CHRM3: variants seen among roughly 807,000 people sequenced by gnomAD.
CHRM3 encodes cholinergic receptor muscarinic 3, also known as muscarinic acetylcholine receptor M3.
A neutral mutation model predicts 41.8 loss-of-function variants in CHRM3; 11 were observed. The ratio of observed to expected loss-of-function variants is 0.26; its 90% CI spans 0.17 to 0.44. The LOEUF (loss-of-function observed/expected upper bound fraction) is 0.44. CHRM3 is among the 20% of genes least tolerant of loss of function. The pLI is 1.00. For missense variants in CHRM3, 571 were observed against 745.4 expected (o/e 0.77, Z 2.72); for synonymous variants, 297 against 301.4 (o/e 0.99, Z 0.15).
At chr1:239,706,942 G>C (rs562306146) in intron 5 of CHRM3, 1 of 152,152 alleles carries the variant, frequency 6.6e-6, no homozygotes, top group Non-Finnish European at 1.5e-5. Flanking sequence ...AATAGTTTTC[G>C]GAAAAGTAGG....
At chr1:239,858,279 T>C (rs1391252121) in intron 6 of CHRM3, among the ~76,000 whole-genome samples, 1 of 152,196 alleles carries the variant, frequency 6.6e-6, no homozygotes, top group East Asian at 1.9e-4. Context: ...TCTAAGTATA[T>C]GTTGAGTCAT....
At chr1:239,412,215 C>T (rs551344505) in intron 1 of CHRM3, among the ~76,000 whole-genome samples, 1 of 140,918 alleles carries the variant, frequency 7.1e-6, no homozygotes, top group East Asian at 2.1e-4. Flanking sequence ...CCCTCCTTCC[C>T]ACTCTTTTTC....
At chr1:239,488,089 T>A (rs918210023) in intron 1 of CHRM3, among the ~76,000 whole-genome samples, 1 of 152,126 alleles carries the variant, frequency 6.6e-6, no homozygotes, top group African/African-American at 2.4e-5. Flanking sequence ...CTAAGGGTGT[T>A]GGTAAATGGG....
chr1:239,693,843 A>T (rs766718296), intron 5 of CHRM3, among the ~76,000 whole-genome samples: 2 of 152,160 alleles, frequency 1.3e-5, no homozygotes, highest in Non-Finnish European at 2.9e-5. Flanking sequence ...TGCTTTGGTG[A>T]TATTAGATTA....
chr1:239,558,454 A>C (rs894680392), intron 3 of CHRM3, among the ~76,000 whole-genome samples: 1 of 152,212 alleles, frequency 6.6e-6, no homozygotes, highest in African/African-American at 2.4e-5. Flanking sequence ...GTCTGATTTC[A>C]AGAAATTCTC....
At chr1:239,644,446 C>T (rs1037481920) in intron 4 of CHRM3, among the ~76,000 whole-genome samples, 5 of 152,184 alleles carry the variant, frequency 3.3e-5, no homozygotes, top group Middle Eastern at 3.4e-3. Flanking sequence ...CTCCCCACGT[C>T]GTCATGCCTA....
Position 239,572,194 on chromosome 1 carries a change from G to A in CHRM3, c.-313+26445G>A, listed in dbSNP as rs564728374. Among the ~76,000 whole-genome samples the A allele has an allele frequency of 2.0e-5, 3 of 152,262 alleles. No individual in the cohort carries two copies. In the East Asian group the frequency reaches 5.8e-4, roughly 29 times the overall value. On this transcript the variant is annotated intron_variant, in intron 3 of 6. Transcript: ENST00000676153. ...TGCAGGGGAATCCAGATGCAGGCAC[G>A]AGAAGGAGATATTCCTCTACCCATG...
intron 5 of CHRM3, among the ~76,000 whole-genome samples, chr1:239,716,544 C>T (rs1257280837): frequency 2.0e-5 from 3 of 152,120 alleles, no homozygotes; most frequent in African/African-American, 4.8e-5. Context: ...GAAGGCTTCA[C>T]TGGGACTCCA....
intron 3 of CHRM3, among the ~76,000 whole-genome samples, chr1:239,550,190 T>C (rs1659683744): frequency 6.6e-6 from 1 of 152,210 alleles, no homozygotes; most frequent in South Asian, 2.1e-4. Context: ...TTAGATGTAC[T>C]GTCCGTTAAT....
chr1:239,845,858 A>G (rs937350952), intron 6 of CHRM3, among the ~76,000 whole-genome samples: 10 of 152,132 alleles, frequency 6.6e-5, no homozygotes, highest in Non-Finnish European at 1.3e-4. Context: ...TTTTAACTAC[A>G]CATTATTTTT....
chr1:239,497,946 G>C (rs923171580), intron 2 of CHRM3, among the ~76,000 whole-genome samples: 2 of 152,120 alleles, frequency 1.3e-5, no homozygotes, highest in African/African-American at 4.8e-5. Flanking sequence ...TATGAAACCT[G>C]AGCAAATCAA....
chr1:239,575,631 T>C (rs1405818975), intron 3 of CHRM3, among the ~76,000 whole-genome samples: 6 of 151,986 alleles, frequency 3.9e-5, no homozygotes, highest in African/African-American at 2.4e-5. Context: ...AGAGTAGACC[T>C]TGAAGGGCCC....
Position 239,911,085 on chromosome 1 carries a change from T to C in CHRM3, c.*1861T>C, listed in dbSNP as rs535707947. The C allele has an allele frequency of 3.5e-4, 58 of 167,214 alleles. No individual in the cohort carries two copies. Among genetic ancestry groups the C allele is most frequent in the Middle Eastern group, 3.4e-3 (1 of 296 alleles). The allele number at this position is 167,214 out of a possible 1,614,324, so 10.4% of individuals were successfully genotyped here. A position where few individuals can be genotyped will look rare whatever the true frequency, so the allele number is the denominator to read the frequency against. On this transcript the variant is annotated 3_prime_UTR_variant, in exon 7 of 7. Transcript: ENST00000676153. ...GAGTATATTGGAGCTTTCCTGTGGC[T>C]AAGAAGAAGAAACATGTCATCCTGT...
At chr1:239,727,245 G>A (rs1663527305) in intron 5 of CHRM3, among the ~76,000 whole-genome samples, 1 of 151,858 alleles carries the variant, frequency 6.6e-6, no homozygotes, top group African/African-American at 2.4e-5. Flanking sequence ...ATTCCTGGAA[G>A]GTTTTCATTT....
At position 239,526,498 on chromosome 1, in the gene CHRM3, G is replaced by A. The variant is rs1053304611; in HGVS notation, c.-421-19143G>A. Among the ~76,000 whole-genome samples, 7 of 152,174 alleles carry A rather than the reference G, an allele frequency of 4.6e-5. 1 individual carries two copies. The highest frequency in any genetic ancestry group is 4.6e-4 in the Admixed American group (7 of 15,286). On this transcript the variant is annotated intron_variant, in intron 2 of 6. Transcript: ENST00000676153. ...TTGACCTCTGTGAATACCAATGCTGGCCTGGGTGTCAGTATTTGCTAGAAG... is the reference window on the plus strand; with the variant it reads ...TTGACCTCTGTGAATACCAATGCTGACCTGGGTGTCAGTATTTGCTAGAAG...
At chr1:239,396,216 T>C (rs1659464312) in intron 1 of CHRM3, among the ~76,000 whole-genome samples, 1 of 152,208 alleles carries the variant, frequency 6.6e-6, no homozygotes, top group South Asian at 2.1e-4. Context: ...GTGCCACAAA[T>C]TGTTTGAAAT....
chr1:239,416,615 A>G (rs535449577), intron 1 of CHRM3, among the ~76,000 whole-genome samples: 1 of 152,246 alleles, frequency 6.6e-6, no homozygotes, highest in East Asian at 1.9e-4. Flanking sequence ...AAGAACCACT[A>G]ATGTTTATGT....
intron 3 of CHRM3, among the ~76,000 whole-genome samples, chr1:239,615,501 A>C (rs949779873): frequency 2.0e-5 from 3 of 152,202 alleles, no homozygotes; most frequent in African/African-American, 7.2e-5. Flanking sequence ...AAGACCAGGC[A>C]GTAGCTTTGG....
intron 4 of CHRM3, among the ~76,000 whole-genome samples, chr1:239,653,220 G>A (rs1299499045): frequency 2.6e-5 from 4 of 152,162 alleles, no homozygotes; most frequent in Non-Finnish European, 5.9e-5. Flanking sequence ...GGCATCACGA[G>A]TAAGGGGGAT....
Sources: gnomAD v4.1 joint callset for allele counts (sites outside exome capture counted in the v4.1 genomes callset) on GRCh38, gnomAD v4.1.1 for gene constraint, MANE v1.5 for transcripts, NCBI Gene and HGNC (gene_info 2026-07-23, HGNC 2026-07-21) for gene names.